The following ROR2 variants were observed in gnomAD, a reference collection of about 807,000 sequenced individuals.
ROR2 encodes the protein tyrosine-protein kinase transmembrane receptor ROR2.
Under a neutral mutation model 74.9 loss-of-function variants are expected in ROR2, and 33 were observed. The ratio of observed to expected loss-of-function variants is 0.44; its 90% confidence interval spans 0.33 to 0.59. The LOEUF (loss-of-function observed/expected upper bound fraction) is 0.59. Among genes scored for constraint, ROR2 ranks in the 20% least tolerant of loss-of-function variants. The probability of loss-of-function intolerance (pLI) is 0.02; values close to 1 mark genes in which losing one functional copy is unlikely to be tolerated. For missense variants in ROR2, 1,216 were observed against 1,313.8 expected (o/e 0.93, Z 1.15); for synonymous variants, 586 against 558.7 (o/e 1.05, Z -0.69).
At position 91,724,406 on chromosome 9, in the gene ROR2, G is replaced by A. The variant is rs10992063; in HGVS notation, c.2088C>T (p.Tyr696=). 0.43 allele frequency: 701,238 copies of A among 1,613,784 alleles called. 154,233 individuals carry two copies. The highest frequency in any genetic ancestry group is 0.54 in the Admixed American group (32,415 of 59,988). The change falls in exon 9 of 9, where the codon TAC becomes TAT. Residue 696 remains tyrosine, a synonymous_variant. Transcript: ENST00000375708. The stretch of plus-strand genomic sequence containing the variant: ...TCATCTCCACCACATCCTGGTTGGA[G>A]TACCCGCAGTAGGGCTGCAGGCCGT... The part of the protein sequence containing the change: ...FSYGLQPYCG[Y]SNQDVVEMIR...
In ROR2 at chr9:91,775,768, G is replaced by A; in HGVS notation, c.148C>T (p.Gln50Ter). ...TTCAGAGTTGGAATCGGGCCGTCCT[G>A]CCCATCAAGGGGTCCTAAAGGGTCG... Reference protein sequence around the residue: ...PNDPLGPLDGQDGPIPTLKGY... With the variant: ...PNDPLGPLDG The change falls in exon 2 of 9, where the codon CAG becomes TAG. Residue 50 changes from glutamine to a stop codon, truncating the protein, a stop_gained. Coordinates refer to ENST00000375708, the MANE Select transcript of ROR2 (RefSeq NM_004560.4). LOFTEE classifies it high-confidence loss of function. The A allele has an allele frequency of 6.2e-7, 1 of 1,614,198 alleles. No homozygotes were observed. Among genetic ancestry groups the A allele is most frequent in the Non-Finnish European group, 8.5e-7 (1 of 1,180,030 alleles).
chr9:91,901,832 A>C lies in ROR2; in HGVS notation c.97+48035T>G, dbSNP rs971403696. ...AAAAAAAAAGAGTGCTCTGAAAAAA[A>C]AAAAAGCAAAAAATAAAAAGGAGCT... On this transcript the variant is annotated intron_variant, in intron 1 of 8. Coordinates refer to ENST00000375708, the MANE Select transcript of ROR2 (RefSeq NM_004560.4). Among the ~76,000 whole-genome samples the C allele has an allele frequency of 5.1e-4, 77 of 152,072 alleles. 1 individual carries two copies. Among genetic ancestry groups the C allele is most frequent in the East Asian group, 2.1e-3 (11 of 5,180 alleles).
At chr9:91,772,524 T>C (rs909876190) in intron 2 of ROR2, among the ~76,000 whole-genome samples, 1 of 152,216 alleles carries the variant, frequency 6.6e-6, no homozygotes. Flanking sequence ...TGTGATACTA[T>C]ACTACTCTAT....
intron 5 of ROR2, among the ~76,000 whole-genome samples, chr9:91,735,965 G>A (rs541613726): frequency 1.3e-5 from 2 of 152,202 alleles, no homozygotes; most frequent in East Asian, 1.9e-4. Context: ...CAAGTGCACC[G>A]CTTTTACGAA....
At chr9:91,848,761 G>GAAA (rs1355237370) in intron 1 of ROR2, among the ~76,000 whole-genome samples, 1 of 96,620 alleles carries the variant, frequency 1.0e-5, no homozygotes, top group African/African-American at 4.3e-5. Context: ...TCTCAGGGGG[G>GAAA]AAGAAAAAAA....
At chr9:91,789,428 TG>T (rs1267361467) in intron 1 of ROR2, among the ~76,000 whole-genome samples, 1 of 152,184 alleles carries the variant, frequency 6.6e-6, no homozygotes, top group Non-Finnish European at 1.5e-5. Context: ...AGTATAAACA[TG>T]TTTTTTTGTA....
chr9:91,770,061 G>A (rs978608687), intron 2 of ROR2, among the ~76,000 whole-genome samples: 8 of 152,192 alleles, frequency 5.3e-5, no homozygotes, highest in Non-Finnish European at 8.8e-5. Flanking sequence ...TACTCTTCAC[G>A]TTATTTTCTC....
chr9:91,816,751 T>A (rs1239814080), intron 1 of ROR2, among the ~76,000 whole-genome samples: 4 of 130,978 alleles, frequency 3.1e-5, no homozygotes, highest in Admixed American at 2.7e-4. Context: ...TCCAGAGATA[T>A]GACATGTCAG....
intron 4 of ROR2, among the ~76,000 whole-genome samples, chr9:91,745,184 G>A (rs1443017719): frequency 6.6e-6 from 1 of 151,854 alleles, no homozygotes; most frequent in Non-Finnish European, 1.5e-5. Context: ...AGAATGCAGT[G>A]GCGCGATCTC....
intron 2 of ROR2, among the ~76,000 whole-genome samples, chr9:91,770,245 A>T (rs1826185063): frequency 6.6e-6 from 1 of 152,118 alleles, no homozygotes. Context: ...TATCTGGTAA[A>T]CCTAAGCGTC....
intron 1 of ROR2, among the ~76,000 whole-genome samples, chr9:91,861,321 C>A (rs1587794953): frequency 6.6e-6 from 1 of 151,990 alleles, no homozygotes; most frequent in African/African-American, 2.4e-5. Context: ...ATAGCCAAAA[C>A]AATGTTGAAA....
rs59024037 is a variant in ROR2, at chr9:91,866,417, CT to C, written c.97+83449del. On this transcript the variant is annotated intron_variant, in intron 1 of 8. Coordinates refer to ENST00000375708, the MANE Select transcript of ROR2 (RefSeq NM_004560.4). ...ACAGGCATAAGCCACCACGCCCAGT[CT>C]TTTTTTTTTTTTTTTTTTTTTGAGA... Among the ~76,000 whole-genome samples, 418 of 103,864 alleles carry C rather than the reference CT, an allele frequency of 4.0e-3. 1 individual carries two copies. The highest frequency in any genetic ancestry group is 5.4e-3 in the Non-Finnish European group (292 of 54,372). 68.1% of individuals were successfully genotyped at this position (103,864 alleles called of 152,430 possible).
intron 1 of ROR2, among the ~76,000 whole-genome samples, chr9:91,780,975 C>T (rs891878541): frequency 7.2e-5 from 11 of 152,274 alleles, no homozygotes; most frequent in African/African-American, 2.4e-4. Context: ...TTTTGATTTG[C>T]GTTTCTTTTA....
intron 1 of ROR2, among the ~76,000 whole-genome samples, chr9:91,947,917 C>G (rs763488958): frequency 1.3e-5 from 2 of 151,916 alleles, no homozygotes; most frequent in Non-Finnish European, 2.9e-5. Flanking sequence ...TTATCATACT[C>G]TTTGGATTTT....
chr9:91,876,635 A>T (rs1829962886), intron 1 of ROR2, among the ~76,000 whole-genome samples: 1 of 152,252 alleles, frequency 6.6e-6, no homozygotes, highest in African/African-American at 2.4e-5. Context: ...AGATGACTCA[A>T]GAGCCAAAAG....
At chr9:91,770,969 G>A (rs1826208109) in intron 2 of ROR2, among the ~76,000 whole-genome samples, 1 of 152,166 alleles carries the variant, frequency 6.6e-6, no homozygotes, top group Non-Finnish European at 1.5e-5. Flanking sequence ...TGGTCTCCAT[G>A]TCAGCTCAGG....
chr9:91,894,016 C>T (rs941527763), intron 1 of ROR2, among the ~76,000 whole-genome samples: 9 of 152,120 alleles, frequency 5.9e-5, no homozygotes, highest in Non-Finnish European at 1.2e-4. Context: ...TCACAACATT[C>T]CCCTGCTGAA....
At chr9:91,926,819 G>A (rs1479332767) in intron 1 of ROR2, among the ~76,000 whole-genome samples, 1 of 152,084 alleles carries the variant, frequency 6.6e-6, no homozygotes, top group Non-Finnish European at 1.5e-5. Flanking sequence ...AGGAGAATTG[G>A]GGTTGCCAGG....
At position 91,723,767 on chromosome 9, in the gene ROR2, C is replaced by T. The variant is rs56091954; in HGVS notation, c.2727G>A (p.Val909=). ...CTTCCTCCTCCTCCTCTGCTTCCTG[C>T]ACGGTGCTCTGGGCCCCATCTTCTG... is the stretch of plus-strand genomic sequence containing the variant. ...NAPEDGAQST[V]QEAEEEEEGS... The change falls in exon 9 of 9, where the codon GTG becomes GTA. Residue 909 remains valine, a synonymous_variant. Transcript: ENST00000375708. 3,542 of 1,613,806 alleles carry T rather than the reference C, an allele frequency of 2.2e-3. 67 individuals are homozygous for T. The African/African-American group carries it at 0.042, about 19-fold the overall frequency.
Sources: allele counts gnomAD v4.1 joint callset (sites outside exome capture counted in the v4.1 genomes callset), GRCh38; gene constraint gnomAD v4.1.1; transcripts MANE v1.5; gene names NCBI Gene and HGNC (gene_info 2026-07-23, HGNC 2026-07-21).